KCNH7: variants seen among roughly 807,000 people sequenced by gnomAD.
KCNH7 encodes the protein voltage-gated inwardly rectifying potassium channel KCNH7.
A neutral mutation model predicts 120.8 loss-of-function variants in KCNH7; 49 were observed. The observed-to-expected ratio is 0.41, with a 90% confidence interval of 0.32 to 0.51. The LOEUF (loss-of-function observed/expected upper bound fraction) is 0.51. KCNH7 is among the 20% of genes least tolerant of loss of function. The pLI is 0.38. For missense variants in KCNH7, 1,097 were observed against 1,446.6 expected, an observed-to-expected ratio of 0.76 and a Z score of 3.92; for synonymous variants, 547 against 516.1, an observed-to-expected ratio of 1.06 and a Z score of -0.81.
intron 2 of KCNH7, among the ~76,000 whole-genome samples, chr2:162,752,232 G>T (rs1486076451): frequency 2.0e-5 from 3 of 151,956 alleles, no homozygotes; most frequent in African/African-American, 7.2e-5. Flanking sequence ...TGGTTCAGTG[G>T]GTCCATTAAT....
chr2:162,744,830 C>T (rs976603576), intron 2 of KCNH7, among the ~76,000 whole-genome samples: 13 of 152,262 alleles, frequency 8.5e-5, no homozygotes, highest in African/African-American at 2.6e-4. Flanking sequence ...GCCTCGGCCT[C>T]CCAAAGTGCT....
At chr2:162,400,484 G>T in intron 9 of KCNH7, 43 bp from the exon 10 acceptor site, 1 of 1,598,066 alleles carries the variant, frequency 6.3e-7, no homozygotes, top group Non-Finnish European at 8.6e-7. Flanking sequence ...AGTGTTCTGG[G>T]TATCTCTGCC....
At chr2:162,527,436 T>A (rs1205177305) in intron 3 of KCNH7, among the ~76,000 whole-genome samples, 1 of 151,962 alleles carries the variant, frequency 6.6e-6, no homozygotes, top group Non-Finnish European at 1.5e-5. Flanking sequence ...GTAAAAGCCC[T>A]CTTATAAACC....
In KCNH7 at chr2:162,434,022, T is replaced by A. The variant is rs1688157407; in HGVS notation, c.1954+1176A>T. 3.3e-5 allele frequency among the ~76,000 whole-genome samples: 5 copies of A among 152,018 alleles called. No homozygotes were observed. The South Asian group carries it at 1.0e-3, about 32-fold the overall frequency. On this transcript the variant is annotated intron_variant, in intron 8 of 15. Coordinates refer to ENST00000332142, the MANE Select transcript of KCNH7 (RefSeq NM_033272.4). ...AACCGGATAAATAAAACGTAGTACA[T>A]ATACAATATGGACTACTATGCAGCC... is the stretch of plus-strand genomic sequence containing the variant.
intron 2 of KCNH7, among the ~76,000 whole-genome samples, chr2:162,649,226 T>C (rs1684484141): frequency 6.6e-6 from 1 of 152,198 alleles, no homozygotes; most frequent in Non-Finnish European, 1.5e-5. Flanking sequence ...TGAATGGATT[T>C]TGAAATAACA....
chr2:162,566,926 G>C (rs1194907082), intron 2 of KCNH7, among the ~76,000 whole-genome samples: 1 of 151,934 alleles, frequency 6.6e-6, no homozygotes, highest in African/African-American at 2.4e-5. Context: ...TGATCAGCTG[G>C]GTGGGATGGA....
At chr2:162,499,441 C>T (rs1275877821) in intron 6 of KCNH7, among the ~76,000 whole-genome samples, 1 of 152,062 alleles carries the variant, frequency 6.6e-6, no homozygotes, top group Non-Finnish European at 1.5e-5. Flanking sequence ...TCAGCCTTTA[C>T]TGGCTGGACT....
intron 2 of KCNH7, among the ~76,000 whole-genome samples, chr2:162,760,797 C>T (rs1688942260): frequency 6.6e-6 from 1 of 151,998 alleles, no homozygotes; most frequent in Admixed American, 6.6e-5. Flanking sequence ...AAAATATATG[C>T]TTTATTGAAT....
intron 2 of KCNH7, among the ~76,000 whole-genome samples, chr2:162,573,803 C>T (rs1029308878): frequency 5.3e-5 from 8 of 151,964 alleles, no homozygotes; most frequent in African/African-American, 1.9e-4. Context: ...ATTATACATT[C>T]AACTGGCAGG....
At chr2:162,713,345 A>T (rs1188328822) in intron 2 of KCNH7, among the ~76,000 whole-genome samples, 1 of 152,228 alleles carries the variant, frequency 6.6e-6, no homozygotes, top group Non-Finnish European at 1.5e-5. Context: ...TATCTGATGG[A>T]CAGAGGACAT....
At chr2:162,800,880 G>GT (rs1416067827) in intron 2 of KCNH7, among the ~76,000 whole-genome samples, 5 of 151,866 alleles carry the variant, frequency 3.3e-5, no homozygotes, top group Admixed American at 2.0e-4. Flanking sequence ...TTGTTTCATA[G>GT]TTTTTTTATT....
chr2:162,759,848 A>C (rs1028826751), intron 2 of KCNH7, among the ~76,000 whole-genome samples: 2 of 152,188 alleles, frequency 1.3e-5, no homozygotes, highest in African/African-American at 4.8e-5. Context: ...TTTCTAGATG[A>C]GAATGTGTAT....
intron 6 of KCNH7, among the ~76,000 whole-genome samples, chr2:162,451,826 C>A (rs565613001): frequency 6.6e-6 from 1 of 152,164 alleles, no homozygotes; most frequent in East Asian, 1.9e-4. Context: ...TTCTTCAGGT[C>A]AAGGTCTAGA....
chr2:162,763,086 A>G (rs1175745739), intron 2 of KCNH7, among the ~76,000 whole-genome samples: 1 of 152,098 alleles, frequency 6.6e-6, no homozygotes, highest in Non-Finnish European at 1.5e-5. Flanking sequence ...CCACTTTTCT[A>G]TAAGAATTTC....
chr2:162,520,582 A>G (rs1691485546), intron 3 of KCNH7, among the ~76,000 whole-genome samples: 1 of 151,882 alleles, frequency 6.6e-6, no homozygotes, highest in East Asian at 2.0e-4. Context: ...CAACATAGCA[A>G]GAACCCCCAT....
At chr2:162,669,516 T>C (rs1685263216) in intron 2 of KCNH7, among the ~76,000 whole-genome samples, 1 of 152,226 alleles carries the variant, frequency 6.6e-6, no homozygotes, top group Admixed American at 6.5e-5. Context: ...TATTTTGCTA[T>C]TGCTCTCAAA....
At chr2:162,767,539 G>T (rs1441137373) in intron 2 of KCNH7, among the ~76,000 whole-genome samples, 1 of 151,852 alleles carries the variant, frequency 6.6e-6, no homozygotes, top group Non-Finnish European at 1.5e-5. Flanking sequence ...CATCTATTTG[G>T]AATTAATTAT....
At chr2:162,570,009 G>T (rs896518277) in intron 2 of KCNH7, among the ~76,000 whole-genome samples, 5 of 138,740 alleles carry the variant, frequency 3.6e-5, no homozygotes, top group Non-Finnish European at 6.1e-5. Flanking sequence ...ATATTCTGTT[G>T]ATTTGGGGTG....
At chr2:162,461,099 G>GA (rs1689132131) in intron 6 of KCNH7, among the ~76,000 whole-genome samples, 1 of 152,152 alleles carries the variant, frequency 6.6e-6, no homozygotes, top group African/African-American at 2.4e-5. Context: ...AGCTTGTTTG[G>GA]ATGGACACAA....
Sources: allele counts gnomAD v4.1 joint callset (sites outside exome capture counted in the v4.1 genomes callset), GRCh38; gene constraint gnomAD v4.1.1; transcripts MANE v1.5; gene names NCBI Gene and HGNC (gene_info 2026-07-23, HGNC 2026-07-21).